The following HHAT variants were observed in gnomAD, a reference collection of about 807,000 sequenced individuals.
The protein encoded by HHAT is protein-cysteine N-palmitoyltransferase HHAT.
HHAT carries 47 observed loss-of-function variants against 70.8 expected under a neutral mutation model. The observed-to-expected ratio is 0.66, with a 90% confidence interval of 0.53 to 0.85. The LOEUF (loss-of-function observed/expected upper bound fraction) is 0.85, where lower values mean the gene tolerates loss of function less well. Ranked by LOEUF, HHAT falls within the 40% of genes least tolerant of loss-of-function variation. HHAT has a pLI of 0.00. For missense variants in HHAT, 609 were observed against 604.8 expected (o/e 1.01, Z -0.07); for synonymous variants, 228 against 247.6 (o/e 0.92, Z 0.74).
chr1:210,539,324 A>C (rs889413096), intron 9 of HHAT, among the ~76,000 whole-genome samples: 1 of 152,206 alleles, frequency 6.6e-6, no homozygotes, highest in Admixed American at 6.5e-5. Flanking sequence ...AAATTGTTTT[A>C]GTGTTTGAAG....
intron 8 of HHAT, among the ~76,000 whole-genome samples, chr1:210,491,607 A>T (rs1275161756): frequency 6.6e-6 from 1 of 151,902 alleles, no homozygotes; most frequent in South Asian, 2.1e-4. Flanking sequence ...GTTCTAACAC[A>T]TACTAAACAC....
At chr1:210,482,920 C>G (rs1322860926) in intron 8 of HHAT, among the ~76,000 whole-genome samples, 1 of 152,138 alleles carries the variant, frequency 6.6e-6, no homozygotes, top group African/African-American at 2.4e-5. Context: ...TTCTCATTTC[C>G]TCATGCACTC....
intron 2 of HHAT, among the ~76,000 whole-genome samples, chr1:210,358,780 G>A (rs2087931844): frequency 6.6e-6 from 1 of 152,192 alleles, no homozygotes; most frequent in Non-Finnish European, 1.5e-5. Context: ...GTGTGTGTAT[G>A]TGTTTTCTTC....
intron 7 of HHAT, among the ~76,000 whole-genome samples, chr1:210,419,135 A>G (rs1467156723): frequency 6.6e-6 from 1 of 152,206 alleles, no homozygotes; most frequent in Non-Finnish European, 1.5e-5. Flanking sequence ...TCTCGGTTCC[A>G]GCACCCTCAT....
intron 3 of HHAT, among the ~76,000 whole-genome samples, chr1:210,375,431 C>A (rs968128174): frequency 5.3e-5 from 8 of 152,132 alleles, no homozygotes; most frequent in Non-Finnish European, 8.8e-5. Context: ...TAGAGCCACT[C>A]CCACTTTCTT....
chr1:210,562,783 T>C (rs12752673), intron 9 of HHAT, among the ~76,000 whole-genome samples: 4 of 151,284 alleles, frequency 2.6e-5, no homozygotes, highest in African/African-American at 9.7e-5. Flanking sequence ...TTAGGTATAT[T>C]TCCAAATGCT....
intron 9 of HHAT, among the ~76,000 whole-genome samples, chr1:210,527,838 C>T (rs574488607): frequency 1.3e-5 from 2 of 152,310 alleles, no homozygotes; most frequent in East Asian, 3.9e-4. Context: ...AGCACTGCTT[C>T]AGTTTCCCCA....
At chr1:210,342,428 C>T (rs2086119117) in intron 1 of HHAT, among the ~76,000 whole-genome samples, 1 of 152,200 alleles carries the variant, frequency 6.6e-6, no homozygotes, top group South Asian at 2.1e-4. Context: ...TTCTTAGACA[C>T]ATCTCACCAT....
At chr1:210,488,753 C>T (rs1351714186) in intron 8 of HHAT, among the ~76,000 whole-genome samples, 5 of 152,180 alleles carry the variant, frequency 3.3e-5, no homozygotes, top group African/African-American at 1.2e-4. Flanking sequence ...ATGAGTAGAG[C>T]TTGGTGGTAC....
intron 7 of HHAT, 61 bp downstream of exon 7, chr1:210,418,386 A>G (rs2092789837): frequency 6.9e-7 from 1 of 1,446,832 alleles, no homozygotes; most frequent in East Asian, 2.4e-5. Context: ...TAGCATCAGA[A>G]TGGAGCTGGA....
chr1:210,460,052 C>G (rs1313724340), intron 7 of HHAT, among the ~76,000 whole-genome samples: 1 of 152,224 alleles, frequency 6.6e-6, no homozygotes, highest in Non-Finnish European at 1.5e-5. Flanking sequence ...CATGTGGCCA[C>G]TCCGTGTGGC....
intron 8 of HHAT, among the ~76,000 whole-genome samples, chr1:210,481,796 G>A (rs924535744): frequency 1.3e-5 from 2 of 152,226 alleles, no homozygotes; most frequent in Non-Finnish European, 2.9e-5. Flanking sequence ...TGAGGATTGA[G>A]TGTCAATGAA....
At chr1:210,641,882 C>G (rs80187618) in intron 11 of HHAT, among the ~76,000 whole-genome samples, 3,334 of 152,308 alleles carry the variant, frequency 0.022, 76 homozygotes, top group East Asian at 0.054. Flanking sequence ...CAAGCTGCAA[C>G]CCTTCTTACA....
intron 9 of HHAT, among the ~76,000 whole-genome samples, chr1:210,529,776 C>G (rs756042378): frequency 6.6e-6 from 1 of 152,214 alleles, no homozygotes; most frequent in Non-Finnish European, 1.5e-5. Flanking sequence ...GTACATGCCA[C>G]AGTGCTGCCA....
At chr1:210,610,103 T>C (rs1407557228) in intron 10 of HHAT, among the ~76,000 whole-genome samples, 1 of 152,222 alleles carries the variant, frequency 6.6e-6, no homozygotes, top group African/African-American at 2.4e-5. Flanking sequence ...TCTTCCACAA[T>C]GGTTGAGTTA....
chr1:210,513,855 G>T (rs1328010754), intron 9 of HHAT, among the ~76,000 whole-genome samples: 1 of 152,208 alleles, frequency 6.6e-6, no homozygotes, highest in Non-Finnish European at 1.5e-5. Flanking sequence ...TAAAATGCTT[G>T]TCAGAAATAT....
At chr1:210,367,336 G>C (rs1276816992) in intron 3 of HHAT, among the ~76,000 whole-genome samples, 1 of 152,192 alleles carries the variant, frequency 6.6e-6, no homozygotes, top group Admixed American at 6.5e-5. Flanking sequence ...GCAGGAAAGA[G>C]TGAAGGGCCA....
intron 8 of HHAT, among the ~76,000 whole-genome samples, chr1:210,473,209 C>T (rs2094238143): frequency 6.6e-6 from 1 of 152,168 alleles, no homozygotes. Flanking sequence ...GGCCTGCTAT[C>T]TGTCATGTAA....
At chr1:210,556,352 A>G (rs911201745) in intron 9 of HHAT, among the ~76,000 whole-genome samples, 7 of 152,178 alleles carry the variant, frequency 4.6e-5, no homozygotes, top group Non-Finnish European at 8.8e-5. Flanking sequence ...GGCAAGGGCT[A>G]TGTCTCTTCT....
Sources: allele counts gnomAD v4.1 joint callset (sites outside exome capture counted in the v4.1 genomes callset), GRCh38; gene constraint gnomAD v4.1.1; transcripts MANE v1.5; gene names NCBI Gene and HGNC (gene_info 2026-07-23, HGNC 2026-07-21).